Variants in SH3RF1 observed in about 807,000 individuals in gnomAD.
The protein encoded by SH3RF1 is SH3 domain containing ring finger 1.
SH3RF1 carries 32 observed loss-of-function variants against 74.0 expected under a neutral mutation model. That is an observed-to-expected ratio of 0.43 (90% CI 0.33 to 0.58). The LOEUF (loss-of-function observed/expected upper bound fraction) is 0.58. Among genes scored for constraint, SH3RF1 ranks in the 20% least tolerant of loss-of-function variants. The probability of loss-of-function intolerance (pLI) is 0.05; values close to 1 mark genes in which losing one functional copy is unlikely to be tolerated. For synonymous variants in SH3RF1, 396 were observed against 439.6 expected, an observed-to-expected ratio of 0.90 and a Z score of 1.24; for missense variants, 954 against 1,130.9, an observed-to-expected ratio of 0.84 and a Z score of 2.24.
chr4:169,107,536 T>C (rs1229837371), intron 10 of SH3RF1, among the ~76,000 whole-genome samples: 1 of 152,210 alleles, frequency 6.6e-6, no homozygotes, highest in Non-Finnish European at 1.5e-5. Flanking sequence ...AAAAAAGATG[T>C]AAGACAATAA....
intron 2 of SH3RF1, chr4:169,203,931 T>C (rs1734951054): frequency 6.6e-6 from 1 of 152,218 alleles, no homozygotes; most frequent in African/African-American, 2.4e-5. Flanking sequence ...CCTTCAGCAA[T>C]TACTTTTTAC....
At chr4:169,218,915 C>T (rs1281655645) in intron 2 of SH3RF1, among the ~76,000 whole-genome samples, 1 of 152,068 alleles carries the variant, frequency 6.6e-6, no homozygotes, top group Non-Finnish European at 1.5e-5. Flanking sequence ...AAGGTACCTT[C>T]AATATATTCA....
chr4:169,104,901 CAA>C (rs35396121), intron 11 of SH3RF1, among the ~76,000 whole-genome samples: 33 of 89,064 alleles, frequency 3.7e-4, no homozygotes, highest in Admixed American at 4.0e-4. Flanking sequence ...ACTCCCATCT[CAA>C]AAAAAAAAAA....
intron 2 of SH3RF1, among the ~76,000 whole-genome samples, chr4:169,246,812 C>G (rs1256989031): frequency 1.3e-5 from 2 of 152,230 alleles, no homozygotes; most frequent in African/African-American, 4.8e-5. Context: ...TTATTTCATT[C>G]TGAAACTAAA....
Position 169,136,488 on chromosome 4 carries a change from T to C in SH3RF1, c.898A>G (p.Lys300Glu). The C allele has an allele frequency of 6.2e-7, 1 of 1,613,870 alleles. No homozygotes were observed. The highest frequency in any genetic ancestry group is 8.5e-7 in the Non-Finnish European group (1 of 1,179,956). ...AGGGAAGTGAAGGAGTGCCGCTTTT[T>C]GGTGTTCTTCTTGGTGTCGGAGTGC... Reference protein sequence around the residue: ...PKHSDTKKNTKKRHSFTSLTM... With the variant: ...PKHSDTKKNTEKRHSFTSLTM... The change falls in exon 5 of 12, where the codon AAA becomes GAA. Residue 300 changes from lysine to glutamate, a missense_variant. By Grantham distance (56) the Lys-to-Glu change is moderately conservative (BLOSUM62 1). Transcript: ENST00000284637.
At chr4:169,244,294 T>C (rs1730959354) in intron 2 of SH3RF1, among the ~76,000 whole-genome samples, 1 of 152,212 alleles carries the variant, frequency 6.6e-6, no homozygotes, top group African/African-American at 2.4e-5. Flanking sequence ...TTTTTCCATG[T>C]GAATTGAGGA....
chr4:169,184,331 G>A (rs573459633), intron 2 of SH3RF1, among the ~76,000 whole-genome samples: 13 of 152,282 alleles, frequency 8.5e-5, no homozygotes, highest in Admixed American at 5.2e-4. Flanking sequence ...CACATCACAC[G>A]TGCACACATC....
intron 2 of SH3RF1, among the ~76,000 whole-genome samples, chr4:169,238,246 C>T (rs1011618197): frequency 3.3e-5 from 5 of 152,142 alleles, no homozygotes; most frequent in African/African-American, 9.7e-5. Context: ...TTAGGGTGTA[C>T]CTACACCTAC....
Position 169,096,380 on chromosome 4 carries a change from C to A in SH3RF1, c.*139G>T, listed in dbSNP as rs1163370467. Reference sequence around the variant, plus strand: ...CATTCTGCTCGCTGGGGTAACTGTGCTGGGGCATCAGAGTCACATACCAAT... The same window carrying A: ...CATTCTGCTCGCTGGGGTAACTGTGATGGGGCATCAGAGTCACATACCAAT... On this transcript the variant is annotated 3_prime_UTR_variant, in exon 12 of 12. Coordinates refer to ENST00000284637, the MANE Select transcript of SH3RF1 (RefSeq NM_020870.4). 7.0e-6 allele frequency: 6 copies of A among 852,322 alleles called. No homozygotes were observed. The highest frequency in any genetic ancestry group is 7.3e-6 in the Non-Finnish European group (4 of 548,968). 52.8% of individuals were successfully genotyped at this position (852,322 alleles called of 1,614,324 possible).
rs1732923383 is a variant in SH3RF1, at chr4:169,096,041, G to A, written c.*478C>T. The A allele has an allele frequency of 6.6e-6, 1 of 152,638 alleles. No individual in the cohort carries two copies. Among genetic ancestry groups the A allele is most frequent in the Non-Finnish European group, 1.5e-5 (1 of 68,214 alleles). 9.5% of individuals were successfully genotyped at this position (152,638 alleles called of 1,614,324 possible). A position where few individuals can be genotyped will look rare whatever the true frequency, so the allele number is the denominator to read the frequency against. On this transcript the variant is annotated 3_prime_UTR_variant, in exon 12 of 12. Transcript: ENST00000284637. ...CAAAATATAATGGTAGCAGGGAGGAGGAGAGGGGAAAATGCATTCACTCTA... is the reference window on the plus strand; with the variant it reads ...CAAAATATAATGGTAGCAGGGAGGAAGAGAGGGGAAAATGCATTCACTCTA...
Position 169,188,254 on chromosome 4 carries a change from T to C in SH3RF1, c.394-31575A>G, listed in dbSNP as rs191220390. ...CAGAATCTTTGACCAAAAGGCATGA[T>C]TGGTGAAAAACAACTTTCCCGTGGC... On this transcript the variant is annotated intron_variant, in intron 2 of 11. Coordinates refer to ENST00000284637, the MANE Select transcript of SH3RF1 (RefSeq NM_020870.4). Among the ~76,000 whole-genome samples, 28 of 152,320 alleles carry C rather than the reference T, an allele frequency of 1.8e-4. No individual in the cohort carries two copies. The East Asian group carries it at 4.8e-3, about 26-fold the overall frequency.
At chr4:169,270,457 A>G (rs1731429288) in intron 1 of SH3RF1, among the ~76,000 whole-genome samples, 1 of 151,284 alleles carries the variant, frequency 6.6e-6, no homozygotes, top group Non-Finnish European at 1.5e-5. Flanking sequence ...ATCCCTCTAC[A>G]CGACTGCGGG....
intron 2 of SH3RF1, among the ~76,000 whole-genome samples, chr4:169,260,372 G>A (rs891593367): frequency 6.6e-6 from 1 of 152,158 alleles, no homozygotes; most frequent in Non-Finnish European, 1.5e-5. Context: ...CTGTTCTACC[G>A]GCTCCCCACT....
chr4:169,136,941 C>T lies in SH3RF1; in HGVS notation c.766-321G>A, dbSNP rs566231356. 7.2e-5 allele frequency among the ~76,000 whole-genome samples: 11 copies of T among 152,330 alleles called. No homozygotes were observed. The South Asian group carries it at 1.2e-3, about 17-fold the overall frequency. On this transcript the variant is annotated intron_variant, in intron 4 of 11. Transcript: ENST00000284637. ...ACAAATGAAAATTTATTTCAGCTCACTGTGAAATTTCGAGAAGAGCAATCA... is the reference window on the plus strand; with the variant it reads ...ACAAATGAAAATTTATTTCAGCTCATTGTGAAATTTCGAGAAGAGCAATCA...
At chr4:169,119,478 A>C (rs1437499971) in intron 8 of SH3RF1, among the ~76,000 whole-genome samples, 1 of 151,814 alleles carries the variant, frequency 6.6e-6, no homozygotes, top group Non-Finnish European at 1.5e-5. Context: ...GATGTTTGAC[A>C]AAAAAATTTT....
At position 169,205,116 on chromosome 4, in the gene SH3RF1, A is replaced by G. The variant is rs527363542; in HGVS notation, c.394-48437T>C. On this transcript the variant is annotated intron_variant, in intron 2 of 11. Coordinates refer to ENST00000284637, the MANE Select transcript of SH3RF1 (RefSeq NM_020870.4). ...GGGAGTGAAGGGAAATAGCTTCATTAAATGAACTATTTATGTTCCAGTAAA... is the reference window on the plus strand; with the variant it reads ...GGGAGTGAAGGGAAATAGCTTCATTGAATGAACTATTTATGTTCCAGTAAA... Among the ~76,000 whole-genome samples the G allele has an allele frequency of 3.9e-5, 6 of 152,348 alleles. No homozygotes were observed. In the South Asian group the frequency reaches 1.2e-3, roughly 32 times the overall value.
At chr4:169,158,139 G>A (rs1216489851) in intron 2 of SH3RF1, among the ~76,000 whole-genome samples, 1 of 152,200 alleles carries the variant, frequency 6.6e-6, no homozygotes, top group African/African-American at 2.4e-5. Context: ...CTACAATACA[G>A]TGTAATAAAT....
At chr4:169,103,294 T>C (rs1026072953) in intron 11 of SH3RF1, among the ~76,000 whole-genome samples, 1 of 152,024 alleles carries the variant, frequency 6.6e-6, no homozygotes, top group African/African-American at 2.4e-5. Context: ...ATTTTATGCT[T>C]GTTCTCATTA....
chr4:169,124,258 A>G (rs904444379), intron 6 of SH3RF1, among the ~76,000 whole-genome samples: 6 of 152,238 alleles, frequency 3.9e-5, no homozygotes, highest in East Asian at 3.8e-4. Flanking sequence ...AAAATCATCT[A>G]TTATAGCTTA....
Sources: gnomAD v4.1 joint callset for allele counts (sites outside exome capture counted in the v4.1 genomes callset) on GRCh38, gnomAD v4.1.1 for gene constraint, MANE v1.5 for transcripts, NCBI Gene and HGNC (gene_info 2026-07-23, HGNC 2026-07-21) for gene names.